Variants in DMD observed in about 807,000 individuals in gnomAD.
The protein encoded by DMD is dystrophin.
A neutral mutation model predicts 330.1 loss-of-function variants in DMD; 63 were observed. That is an observed-to-expected ratio of 0.19 (90% CI 0.16 to 0.24). DMD has a LOEUF of 0.24. DMD is among the 10% of genes least tolerant of loss of function. DMD has a pLI of 1.00. For synonymous variants in DMD, 1,223 were observed against 959.8 expected (o/e 1.27, Z -5.07); for missense variants, 3,344 against 2,684.1 (o/e 1.25, Z -5.43).
At chrX:31,757,320 T>C (rs916189900) in intron 51 of DMD, among the ~76,000 whole-genome samples, 2 of 111,510 alleles carry the variant, frequency 1.8e-5, no homozygotes, top group African/African-American at 6.5e-5. Context: ...CTATTTGAAA[T>C]AATGAGCTTA....
At chrX:32,287,223 ATATGT>A (rs2097445584) in intron 43 of DMD, among the ~76,000 whole-genome samples, 1 of 111,842 alleles carries the variant, frequency 8.9e-6, no homozygotes, top group Non-Finnish European at 1.9e-5. Flanking sequence ...CTAAAGATAA[ATATGT>A]TATATCGAAC....
At chrX:33,335,236 C>T (rs1427631294) in intron 1 of DMD, among the ~76,000 whole-genome samples, 1 of 109,663 alleles carries the variant, frequency 9.1e-6, no homozygotes, top group African/African-American at 3.3e-5. Flanking sequence ...TATATATTAC[C>T]ACATATAATA....
At chrX:33,085,707 A>G (rs1193341577) in intron 1 of DMD, among the ~76,000 whole-genome samples, 2 of 111,562 alleles carry the variant, frequency 1.8e-5, no homozygotes, top group Non-Finnish European at 3.8e-5. Flanking sequence ...TACTTACACT[A>G]TCTTACCAAT....
rs972902231 is a variant in DMD at position 31,822,090 on chromosome X, G to A, written c.7201-2007C>T. ...TACTAAGCTTACAAAACTGAAGTTC[G>A]TAACCTCTAAGCATTCACAGACATG... On this transcript the variant is annotated intron_variant, in intron 49 of 78. Coordinates refer to ENST00000357033, the MANE Select transcript of DMD (RefSeq NM_004006.3). 3.6e-5 allele frequency among the ~76,000 whole-genome samples: 4 copies of A among 112,167 alleles called. No homozygotes were observed. The East Asian group carries it at 8.4e-4, about 24-fold the overall frequency.
intron 9 of DMD, among the ~76,000 whole-genome samples, chrX:32,694,715 G>T (rs2063519978): frequency 8.9e-6 from 1 of 111,841 alleles, no homozygotes; most frequent in African/African-American, 3.3e-5. Flanking sequence ...GTAGTGCAAT[G>T]GCATGATTTC....
In DMD at chrX:33,063,208, T is replaced by C. The variant is rs752336693; in HGVS notation, c.32-43008A>G. ...CTTCATTTTTGGAACAGGAATCAAA[T>C]TATAATAAAACTAGTAGCACAGAAA... On this transcript the variant is annotated intron_variant, in intron 1 of 78. Coordinates refer to ENST00000357033, the MANE Select transcript of DMD (RefSeq NM_004006.3). 2.7e-5 allele frequency among the ~76,000 whole-genome samples: 3 copies of C among 111,943 alleles called. No individual in the cohort carries two copies. The South Asian group carries it at 1.1e-3, about 41-fold the overall frequency.
intron 55 of DMD, among the ~76,000 whole-genome samples, chrX:31,575,205 A>G (rs1033151401): frequency 2.7e-5 from 3 of 111,940 alleles, no homozygotes; most frequent in African/African-American, 9.7e-5. Context: ...AGTTTTGTAG[A>G]TGTATAACAA....
intron 45 of DMD, among the ~76,000 whole-genome samples, chrX:31,962,168 A>T (rs1306389666): frequency 1.8e-5 from 2 of 111,521 alleles, no homozygotes; most frequent in African/African-American, 6.5e-5. Flanking sequence ...CAACTATTTC[A>T]TAGAGTTGTT....
intron 59 of DMD, among the ~76,000 whole-genome samples, chrX:31,471,119 C>A (rs1176960047): frequency 9.0e-6 from 1 of 111,383 alleles, no homozygotes; most frequent in East Asian, 2.8e-4. Context: ...AGCTAGACCA[C>A]TTGGCTCCCT....
intron 18 of DMD, among the ~76,000 whole-genome samples, chrX:32,503,854 G>C (rs1338904784): frequency 5.4e-5 from 6 of 111,776 alleles, no homozygotes; most frequent in African/African-American, 2.0e-4. Context: ...ACCGTGCCTG[G>C]CCTGAATAAA....
At chrX:31,122,255 G>C (rs1352854546) in intron 78 of DMD, among the ~76,000 whole-genome samples, 1 of 112,179 alleles carries the variant, frequency 8.9e-6, no homozygotes, top group Admixed American at 9.4e-5. Context: ...ATAAGCACAA[G>C]ATTTCTATCA....
intron 7 of DMD, among the ~76,000 whole-genome samples, chrX:32,703,140 C>T (rs1276680832): frequency 2.7e-5 from 3 of 111,433 alleles, no homozygotes; most frequent in East Asian, 5.6e-4. Flanking sequence ...TGAGTTACCA[C>T]GCTTCTAAAG....
chrX:32,821,526 T>G (rs1031307581), intron 5 of DMD, among the ~76,000 whole-genome samples: 9 of 109,218 alleles, frequency 8.2e-5, no homozygotes, highest in Non-Finnish European at 1.5e-4. Flanking sequence ...AGGCGGAGCT[T>G]GCAGTGAGCC....
intron 1 of DMD, among the ~76,000 whole-genome samples, chrX:33,248,378 T>A (rs1281585370): frequency 8.9e-6 from 1 of 112,504 alleles, no homozygotes; most frequent in Admixed American, 9.4e-5. Flanking sequence ...AATTAACTTT[T>A]AATTTTTCAC....
intron 7 of DMD, among the ~76,000 whole-genome samples, chrX:32,719,727 T>G (rs2066076523): frequency 9.0e-6 from 1 of 111,309 alleles, no homozygotes; most frequent in Non-Finnish European, 1.9e-5. Flanking sequence ...CCTGATACTT[T>G]TTTTTTCATT....
intron 9 of DMD, among the ~76,000 whole-genome samples, chrX:32,677,531 T>G (rs1354510239): frequency 9.0e-6 from 1 of 111,726 alleles, no homozygotes; most frequent in Non-Finnish European, 1.9e-5. Context: ...ACATAGGCAC[T>G]GGAATTTTGT....
rs538677091 is a variant in DMD at position 31,583,629 on chromosome X, A to C, written c.8217+44044T>G. Among the ~76,000 whole-genome samples the C allele has an allele frequency of 1.4e-4, 15 of 110,052 alleles. No individual in the cohort carries two copies. The South Asian group carries it at 5.9e-3, about 43-fold the overall frequency. On this transcript the variant is annotated intron_variant, in intron 55 of 78. Transcript: ENST00000357033. The stretch of plus-strand genomic sequence containing the variant: ...TGCTACATTTTCTTTTCTTTTTTTA[A>C]AGTTCTATGATTAATTTTTATTTTA...
intron 62 of DMD, among the ~76,000 whole-genome samples, chrX:31,262,484 C>T (rs921871731): frequency 3.6e-5 from 4 of 112,505 alleles, no homozygotes; most frequent in African/African-American, 1.3e-4. Context: ...ACTTCAAAGA[C>T]CATCCCTGTA....
chrX:32,890,212 T>C (rs2085063612), intron 2 of DMD, among the ~76,000 whole-genome samples: 1 of 111,504 alleles, frequency 9.0e-6, no homozygotes, highest in Non-Finnish European at 1.9e-5. Flanking sequence ...AAATGGACAT[T>C]CAGAAGTCAG....
Sources: gnomAD v4.1 joint callset for allele counts (sites outside exome capture counted in the v4.1 genomes callset) on GRCh38, gnomAD v4.1.1 for gene constraint, MANE v1.5 for transcripts, NCBI Gene and HGNC (gene_info 2026-07-23, HGNC 2026-07-21) for gene names.